HAUS6: variants seen among roughly 807,000 people sequenced by gnomAD.
The protein encoded by HAUS6 is HAUS augmin-like complex subunit 6.
A neutral mutation model predicts 106.8 loss-of-function variants in HAUS6; 80 were observed. The observed-to-expected ratio is 0.75, with a 90% CI of 0.63 to 0.90. HAUS6 has a LOEUF of 0.90. HAUS6 is among the 40% of genes least tolerant of loss of function. HAUS6 has a pLI of 0.00. For synonymous variants in HAUS6, 356 were observed against 379.1 expected (o/e 0.94, Z 0.71); for missense variants, 1,155 against 1,118.1 (o/e 1.03, Z -0.47).
chr9:19,080,824 C>G (rs62563640), intron 8 of HAUS6, 152 bp from the exon 9 acceptor site: 3 of 571,598 alleles, frequency 5.2e-6, no homozygotes, highest in Non-Finnish European at 6.1e-6. Context: ...TCCCAGCACT[C>G]TGGGAGTTGG....
rs71333079 is a variant in HAUS6 at position 19,072,190 on chromosome 9, C to CAA, written c.1295-1892_1295-1891dup. ...GGGCAACAACAGTGAAACTCCCTCT[C>CAA]AAAAAAAAAAAAGAAAAGAAAAATT... On this transcript the variant is annotated intron_variant, in intron 11 of 16. Coordinates refer to ENST00000380502, the MANE Select transcript of HAUS6 (RefSeq NM_017645.5). Among the ~76,000 whole-genome samples, 59 of 139,070 alleles carry CAA rather than the reference C, an allele frequency of 4.2e-4. No homozygotes were observed. In the South Asian group the frequency reaches 6.3e-3, roughly 15 times the overall value. 91.2% of individuals were successfully genotyped at this position (139,070 alleles called of 152,430 possible).
intron 11 of HAUS6, among the ~76,000 whole-genome samples, 190 bp downstream of exon 11, chr9:19,076,412 G>T (rs1224186801): frequency 1.3e-5 from 2 of 151,910 alleles, no homozygotes; most frequent in Admixed American, 1.3e-4. Context: ...GCACAACATT[G>T]TAAATGTACT....
intron 13 of HAUS6, 53 bp from the exon 14 acceptor site, chr9:19,063,246 G>GA (rs1295316067): frequency 1.7e-6 from 2 of 1,194,862 alleles, no homozygotes; most frequent in African/African-American, 3.0e-5. Flanking sequence ...GGCTGATCCT[G>GA]AAGCTGTCTT....
intron 2 of HAUS6, among the ~76,000 whole-genome samples, chr9:19,094,618 C>T (rs917252542): frequency 6.6e-5 from 10 of 152,038 alleles, no homozygotes; most frequent in African/African-American, 2.2e-4. Context: ...ATGGAGAAAT[C>T]CCGTCTCTAT....
chr9:19,070,510 T>G (rs1034990644), intron 11 of HAUS6, among the ~76,000 whole-genome samples: 2 of 152,136 alleles, frequency 1.3e-5, no homozygotes, highest in Admixed American at 1.3e-4. Context: ...ATAAAAGAAA[T>G]GATGGCTAAT....
In HAUS6 at chr9:19,083,021, A is replaced by G. The variant is rs772058187; in HGVS notation, c.722T>C (p.Val241Ala). 1 of 1,585,642 alleles carries G rather than the reference A, an allele frequency of 6.3e-7. No homozygotes were observed. The highest frequency in any genetic ancestry group is 1.9e-5 in the Admixed American group (1 of 52,916). Reference sequence around the variant, plus strand: ...TTCCAAAAACATGAGCGTTTCATTCACTGAAGCCCACAAAGACCGAACCTT... The same window carrying G: ...TTCCAAAAACATGAGCGTTTCATTCGCTGAAGCCCACAAAGACCGAACCTT... ...IQKVRSLWASVNETLMFLEKE... is the reference protein window; with the variant it reads ...IQKVRSLWASANETLMFLEKE... The change falls in exon 8 of 17, where the codon GTG (valine) becomes GCG (alanine). Residue 241 changes from valine (V) to alanine (A), a missense_variant. By Grantham distance (64) the Val-to-Ala change is moderately conservative (BLOSUM62 0). Transcript: ENST00000380502.
intron 11 of HAUS6, among the ~76,000 whole-genome samples, chr9:19,072,505 T>C (rs1026388413): frequency 3.4e-5 from 5 of 146,084 alleles, no homozygotes; most frequent in African/African-American, 1.3e-4. Flanking sequence ...AAAGACTCTG[T>C]CTCAAAAAAA....
chr9:19,085,991 TAA>T, intron 7 of HAUS6, among the ~76,000 whole-genome samples: 1 of 145,742 alleles, frequency 6.9e-6, no homozygotes. Context: ...CTATGAGTTT[TAA>T]AAAAAAAAAA....
chr9:19,053,203 G>T lies in HAUS6; in HGVS notation c.*3140C>A, dbSNP rs1836394107. ...AAACATTTACAGAGAGTCCCATAGA[G>T]GATTCTCAAATATTTTAAACTTAGG... On this transcript the variant is annotated 3_prime_UTR_variant, in exon 17 of 17. Coordinates refer to ENST00000380502, the MANE Select transcript of HAUS6 (RefSeq NM_017645.5). 6.6e-6 allele frequency: 1 copy of T among 152,004 alleles called. No individual in the cohort carries two copies. Among genetic ancestry groups the T allele is most frequent in the Non-Finnish European group, 1.5e-5 (1 of 67,974 alleles). 9.4% of individuals were successfully genotyped at this position (152,004 alleles called of 1,614,324 possible).
chr9:19,089,304 T>G, intron 5 of HAUS6, 108 bp downstream of exon 5: 1 of 692,344 alleles, frequency 1.4e-6, no homozygotes. Flanking sequence ...AATAGAAAGA[T>G]AACCGCCAAG....
intron 12 of HAUS6, among the ~76,000 whole-genome samples, chr9:19,067,548 C>T (rs1836788042): frequency 6.6e-6 from 1 of 152,114 alleles, no homozygotes. Context: ...TAGAAGAAGA[C>T]AGATGTGGAA....
intron 14 of HAUS6, among the ~76,000 whole-genome samples, chr9:19,061,155 A>C (rs1836608737): frequency 6.6e-6 from 1 of 152,286 alleles, no homozygotes; most frequent in Non-Finnish European, 1.5e-5. Context: ...CAAGTGCAAA[A>C]CTCCGTCTCA....
rs780903995 is a variant in HAUS6 at position 19,063,466 on chromosome 9, A to G, written c.1443+48T>C. ...TATCAACAAAAATAAATAATATTTT[A>G]TAATTTAGTATGGTCCAGAATTAAT... On this transcript the variant is annotated intron_variant, in intron 13 of 16. Coordinates refer to ENST00000380502, the MANE Select transcript of HAUS6 (RefSeq NM_017645.5). 8 of 890,330 alleles carry G rather than the reference A, an allele frequency of 9.0e-6. No individual in the cohort carries two copies. The South Asian group carries it at 1.0e-4, about 11-fold the overall frequency. The allele number at this position is 890,330 out of a possible 1,614,324, so 55.2% of individuals were successfully genotyped here. A position where few individuals can be genotyped will look rare whatever the true frequency, so the allele number is the denominator to read the frequency against.
chr9:19,089,004 A>C (rs1817689639), intron 5 of HAUS6, among the ~76,000 whole-genome samples: 1 of 152,164 alleles, frequency 6.6e-6, no homozygotes, highest in African/African-American at 2.4e-5. Context: ...GCACTTTGGG[A>C]GGCTGAGATG....
intron 2 of HAUS6, 127 bp from the exon 3 acceptor site, chr9:19,094,522 T>C (rs978914266): frequency 3.3e-6 from 2 of 612,588 alleles, no homozygotes; most frequent in African/African-American, 3.8e-5. Context: ...CCAAGCGCGG[T>C]GGCTCACACT....
chr9:19,072,067 G>A (rs1433094512), intron 11 of HAUS6, among the ~76,000 whole-genome samples: 5 of 151,902 alleles, frequency 3.3e-5, no homozygotes, highest in African/African-American at 9.7e-5. Context: ...GCACATGCCT[G>A]TAATCCCAGC....
chr9:19,066,040 C>A (rs1189505070), intron 12 of HAUS6, among the ~76,000 whole-genome samples: 1 of 150,612 alleles, frequency 6.6e-6, no homozygotes, highest in Non-Finnish European at 1.5e-5. Context: ...GGTTCAAGCA[C>A]TTCTCCTGCC....
intron 14 of HAUS6, among the ~76,000 whole-genome samples, chr9:19,061,299 G>C (rs567950029): frequency 6.6e-6 from 1 of 152,280 alleles, no homozygotes; most frequent in East Asian, 1.9e-4. Flanking sequence ...CACTCTTAAA[G>C]AAAATTAATT....
intron 4 of HAUS6, among the ~76,000 whole-genome samples, chr9:19,090,767 T>C (rs531075120): frequency 2.8e-4 from 43 of 152,308 alleles, no homozygotes; most frequent in Non-Finnish European, 4.4e-4. Flanking sequence ...GTAAGACCAA[T>C]AGGACAGGAT....
Sources: allele counts gnomAD v4.1 joint callset (sites outside exome capture counted in the v4.1 genomes callset), GRCh38; gene constraint gnomAD v4.1.1; transcripts MANE v1.5; gene names NCBI Gene and HGNC (gene_info 2026-07-23, HGNC 2026-07-21).